FAM107A: variants seen among roughly 807,000 people sequenced by gnomAD.
The protein encoded by FAM107A is family with sequence similarity 107 member A.
A neutral mutation model predicts 13.7 loss-of-function variants in FAM107A; 19 were observed. That is an observed-to-expected ratio of 1.38 (90% CI 0.97 to 2.03). The LOEUF is 2.03. Ranked by LOEUF, FAM107A falls within the 30% of genes most tolerant of loss-of-function variation. The pLI is 0.00. For synonymous variants in FAM107A, 82 were observed against 74.5 expected (o/e 1.10, Z -0.52); for missense variants, 203 against 184.4 (o/e 1.10, Z -0.58).
At chr3:58,601,192 A>G (rs1341301889) in intron 1 of FAM107A, among the ~76,000 whole-genome samples, 1 of 152,200 alleles carries the variant, frequency 6.6e-6, no homozygotes, top group Non-Finnish European at 1.5e-5. Context: ...AAGCCATTTA[A>G]ATTATTATTC....
At chr3:58,616,322 C>T (rs963123784) in intron 1 of FAM107A, among the ~76,000 whole-genome samples, 1 of 152,002 alleles carries the variant, frequency 6.6e-6, no homozygotes, top group Admixed American at 6.6e-5. Flanking sequence ...GAAGAATGTC[C>T]ACCAAGTACA....
intron 1 of FAM107A, among the ~76,000 whole-genome samples, chr3:58,626,573 G>A (rs2066019745): frequency 6.6e-6 from 1 of 152,146 alleles, no homozygotes; most frequent in African/African-American, 2.4e-5. Context: ...CTTGCCTATT[G>A]CCCTACAACT....
chr3:58,570,628 A>AGG (rs1290344829), intron 1 of FAM107A, among the ~76,000 whole-genome samples: 1 of 106,840 alleles, frequency 9.4e-6, no homozygotes, highest in Non-Finnish European at 1.9e-5. Flanking sequence ...AGAGAGAGAG[A>AGG]GAGAGAGAAA....
At chr3:58,566,988 A>G in intron 3 of FAM107A, 1 of 623,570 alleles carries the variant, frequency 1.6e-6, no homozygotes, top group Non-Finnish European at 2.8e-6. Flanking sequence ...AGCATGCAGT[A>G]CACTGGGCCA....
Position 58,567,221 on chromosome 3 carries a change from T to C in FAM107A, c.314A>G (p.Gln105Arg). ...PFEQELLRRQ[Q>R]RLNQLEKPPE... ...CCCATCACCCACCTGGTTCAGCCTC[T>C]GCTGCCGTCTCAGCAGCTCCTGCTC... The change falls in exon 3 of 4, where the codon CAG becomes CGG. Residue 105 changes from glutamine to arginine, a missense_variant. Physicochemically the swap from Gln to Arg is conservative, Grantham distance 43. Coordinates refer to ENST00000360997, the MANE Select transcript of FAM107A (RefSeq NM_001076778.3). 1 of 1,614,182 alleles carries C rather than the reference T, an allele frequency of 6.2e-7. No homozygotes were observed. Among genetic ancestry groups the C allele is most frequent in the South Asian group, 1.1e-5 (1 of 91,080 alleles).
chr3:58,610,579 AT>A (rs2065843997), intron 1 of FAM107A, among the ~76,000 whole-genome samples: 1 of 151,580 alleles, frequency 6.6e-6, no homozygotes, highest in Non-Finnish European at 1.5e-5. Context: ...AGAAATGGGG[AT>A]AACAAAAGTG....
chr3:58,587,068 TACGGCG>T (rs2108062444), exon 1 of FAM107A: 1 of 1,356,898 alleles, frequency 7.4e-7, no homozygotes, highest in African/African-American at 1.5e-5. Flanking sequence ...AGGGTCAAGT[TACGGCG>T]GCGGCCGGAG....
upstream of FAM107A, among the ~76,000 whole-genome samples, chr3:58,589,441 G>A (rs1188325404): frequency 6.6e-6 from 1 of 152,156 alleles, no homozygotes; most frequent in Non-Finnish European, 1.5e-5. Flanking sequence ...ATGTGTGTGT[G>A]TGTGTGTATG....
chr3:58,596,000 G>C (rs1034750923), intron 1 of FAM107A, among the ~76,000 whole-genome samples: 2 of 152,228 alleles, frequency 1.3e-5, no homozygotes, highest in African/African-American at 2.4e-5. Flanking sequence ...ATTTTGGTTA[G>C]TGAAAGTTAG....
Position 58,569,742 on chromosome 3 carries a change from G to A in FAM107A, c.119C>T (p.Ala40Val). Reference sequence around the variant, plus strand: ...GTGGAGCTCCTGGTGACTCCGAGAGGCCTTCACGGGGTTCAGCAGCTTCTT... The same window carrying A: ...GTGGAGCTCCTGGTGACTCCGAGAGACCTTCACGGGGTTCAGCAGCTTCTT... ...KPKKLLNPVK[A>V]SRSHQELHRE... is the part of the protein sequence containing the mutation. The change falls in exon 2 of 4, where the codon GCC becomes GTC. Residue 40 changes from alanine (A) to valine (V), a missense_variant. Transcript: ENST00000360997. The surrounding 1 kb of genome is among the most constrained non-coding windows in gnomAD (Gnocchi z 5.7). 1 of 1,614,044 alleles carries A rather than the reference G, an allele frequency of 6.2e-7. No homozygotes were observed.
chr3:58,569,929 C>T lies in FAM107A; in HGVS notation c.-5-64G>A. ...TATAATCTCACCCTGCCCCATGGGA[C>T]ACAGTTGAAGGGCAAGGTTTTCATG... On this transcript the variant is annotated intron_variant, in intron 1 of 3. Transcript: ENST00000360997. This position sits in a 1 kb window ranked among gnomAD's most constrained non-coding sequence, Gnocchi z 5.7. 1 of 1,526,578 alleles carries T rather than the reference C, an allele frequency of 6.6e-7. No homozygotes were observed. The highest frequency in any genetic ancestry group is 8.9e-7 in the Non-Finnish European group (1 of 1,128,586). The allele number at this position is 1,526,578 out of a possible 1,614,324, so 94.6% of individuals were successfully genotyped here.
intron 1 of FAM107A, among the ~76,000 whole-genome samples, chr3:58,615,081 C>T (rs1185985243): frequency 6.6e-6 from 1 of 152,256 alleles, no homozygotes; most frequent in Non-Finnish European, 1.5e-5. Context: ...GCTGAGATTA[C>T]AGGCGTGAGC....
chr3:58,571,863 GC>G (rs986805889), intron 1 of FAM107A, among the ~76,000 whole-genome samples: 7 of 152,010 alleles, frequency 4.6e-5, no homozygotes, highest in Admixed American at 3.3e-4. Context: ...GTCCCTCTGT[GC>G]CCCCCAAATC....
chr3:58,576,471 G>A (rs1487386169), intron 1 of FAM107A, among the ~76,000 whole-genome samples: 2 of 152,236 alleles, frequency 1.3e-5, no homozygotes, highest in East Asian at 3.8e-4. Context: ...TTACCTGGCA[G>A]ATGCCTCTGC....
chr3:58,605,575 T>G (rs1381295044), intron 1 of FAM107A, among the ~76,000 whole-genome samples: 1 of 152,246 alleles, frequency 6.6e-6, no homozygotes, highest in Non-Finnish European at 1.5e-5. Context: ...GTAAGTTTCC[T>G]TTCCTTCAGA....
intron 1 of FAM107A, among the ~76,000 whole-genome samples, chr3:58,622,920 G>C (rs946817688): frequency 6.6e-6 from 1 of 152,214 alleles, no homozygotes; most frequent in Non-Finnish European, 1.5e-5. Context: ...CAGAAGTGAG[G>C]TGCAAGGCCC....
At chr3:58,581,560 T>C (rs2065542658), upstream of FAM107A, among the ~76,000 whole-genome samples, 1 of 152,116 alleles carries the variant, frequency 6.6e-6, no homozygotes, top group South Asian at 2.1e-4. Flanking sequence ...CAATGGGGTT[T>C]CTGAGCAGCC....
At chr3:58,601,024 C>T (rs984201246) in intron 1 of FAM107A, among the ~76,000 whole-genome samples, 7 of 152,098 alleles carry the variant, frequency 4.6e-5, no homozygotes, top group Non-Finnish European at 1.0e-4. Context: ...ATCAAAATAG[C>T]GCTCGTTTTA....
At chr3:58,570,265 G>C (rs545936003) in intron 1 of FAM107A, 7 of 417,824 alleles carry the variant, frequency 1.7e-5, no homozygotes, top group Non-Finnish European at 2.3e-5. Flanking sequence ...TATTTAAAAA[G>C]AGTAACATGT....
Sources: allele counts gnomAD v4.1 joint callset (sites outside exome capture counted in the v4.1 genomes callset), GRCh38; gene constraint gnomAD v4.1.1; non-coding constraint Gnocchi (gnomAD v3.1); transcripts MANE v1.5; gene names NCBI Gene and HGNC (gene_info 2026-07-23, HGNC 2026-07-21).